USP9X: variants seen among roughly 807,000 people sequenced by gnomAD.
USP9X encodes ubiquitin specific peptidase 9 X-linked.
Under a neutral mutation model 190.3 loss-of-function variants are expected in USP9X, and 7 were observed. The observed-to-expected ratio is 0.04, with a 90% CI of 0.02 to 0.07. USP9X has a LOEUF of 0.07. Among genes scored for constraint, USP9X ranks in the 10% least tolerant of loss-of-function variants. The pLI is 1.00. For synonymous variants in USP9X, 645 were observed against 659.5 expected, an observed-to-expected ratio of 0.98 and a Z score of 0.34; for missense variants, 1,010 against 1,916.9, an observed-to-expected ratio of 0.53 and a Z score of 8.83.
chrX:41,110,143 G>A (rs770228164), intron 1 of USP9X, among the ~76,000 whole-genome samples: 203 of 111,189 alleles, frequency 1.8e-3, no homozygotes, highest in African/African-American at 6.4e-3. Flanking sequence ...TTGTTGCCCA[G>A]GCTGGCCTCA....
chrX:41,150,695 C>T (rs767638693), intron 12 of USP9X, among the ~76,000 whole-genome samples: 2 of 111,645 alleles, frequency 1.8e-5, no homozygotes, highest in Non-Finnish European at 3.8e-5. Flanking sequence ...TAATACAAAG[C>T]TTTTATAACA....
At position 41,167,718 on chromosome X, in the gene USP9X, T is replaced by C. The variant is rs140843078; in HGVS notation, c.2424+141T>C. ...GTGATTGGGTTATTTTTAATATAAC[T>C]ATTTATTAGATGTTGAAATGGCAAA... On this transcript the variant is annotated intron_variant, in intron 17 of 44. Transcript: ENST00000378308. The C allele has an allele frequency of 1.7e-3, 771 of 453,263 alleles. 3 individuals carry two copies. In the East Asian group the frequency reaches 0.029, roughly 17 times the overall value. 37.4% of individuals were successfully genotyped at this position (453,263 alleles called of 1,213,427 possible). A position where few individuals can be genotyped will look rare whatever the true frequency, so the allele number is the denominator to read the frequency against.
intron 9 of USP9X, among the ~76,000 whole-genome samples, chrX:41,142,012 A>T (rs574313327): frequency 9.0e-6 from 1 of 111,596 alleles, no homozygotes; most frequent in Non-Finnish European, 1.9e-5. Context: ...TTTTGAATGT[A>T]TATGTGTAAC....
chrX:41,103,709 GATTAA>G (rs1472547300), intron 1 of USP9X, among the ~76,000 whole-genome samples: 10 of 111,972 alleles, frequency 8.9e-5, no homozygotes, highest in African/African-American at 3.2e-4. Flanking sequence ...AATAGAAAGT[GATTAA>G]ATTAGTTTTT....
chrX:41,126,892 AT>A (rs1028913612), intron 2 of USP9X, among the ~76,000 whole-genome samples: 1 of 110,559 alleles, frequency 9.0e-6, no homozygotes, highest in Non-Finnish European at 1.9e-5. Flanking sequence ...TTTTCACTTA[AT>A]TTTTTTTAAG....
In USP9X at chrX:41,229,295, G is replaced by A; in HGVS notation, c.7104G>A (p.Gly2368=). ...AAGGAATTCCAGATGACCGAGATGGGCTGTTTGACACAATCCAGCGCTCTA... is the reference window on the plus strand; with the variant it reads ...AAGGAATTCCAGATGACCGAGATGGACTGTTTGACACAATCCAGCGCTCTA... ...ALKGIPDDRD[G]LFDTIQRSKN... The change falls in exon 42 of 45, where the codon GGG becomes GGA. Residue 2368 remains glycine (G), a synonymous_variant. Transcript: ENST00000378308. The A allele has an allele frequency of 2.5e-6, 3 of 1,196,358 alleles. No individual in the cohort carries two copies. Among genetic ancestry groups the A allele is most frequent in the Non-Finnish European group, 3.4e-6 (3 of 889,064 alleles).
At chrX:41,140,102 T>C (rs963411117) in intron 6 of USP9X, among the ~76,000 whole-genome samples, 14 of 111,694 alleles carry the variant, frequency 1.3e-4, no homozygotes, top group Non-Finnish European at 2.6e-4. Flanking sequence ...TGGGTGCAAT[T>C]TGTATAAGCA....
At chrX:41,136,729 T>C (rs2147034487) in intron 5 of USP9X, 75 bp from the exon 6 acceptor site, 1 of 729,753 alleles carries the variant, frequency 1.4e-6, no homozygotes, top group Non-Finnish European at 2.1e-6. Flanking sequence ...AGGATACGAT[T>C]AATATTGGAA....
intron 1 of USP9X, among the ~76,000 whole-genome samples, chrX:41,118,364 A>G: frequency 9.0e-6 from 1 of 110,567 alleles, no homozygotes; most frequent in Non-Finnish European, 1.9e-5. Context: ...GTACCCGTGT[A>G]CTTGGAATTA....
At chrX:41,169,600 G>A (rs2062707138) in intron 18 of USP9X, among the ~76,000 whole-genome samples, 1 of 110,175 alleles carries the variant, frequency 9.1e-6, no homozygotes, top group African/African-American at 3.3e-5. Flanking sequence ...GATTACAGGC[G>A]CCCACCACCA....
In USP9X at chrX:41,212,179, C is replaced by G. The variant is rs768346628; in HGVS notation, c.5189+1497C>G. The stretch of plus-strand genomic sequence containing the variant: ...GACCTTACCCCCAACCCTGTGCTCT[C>G]TGAAACATGTGCTGTGTCCACTCAG... On this transcript the variant is annotated intron_variant, in intron 33 of 44. Transcript: ENST00000378308. Among the ~76,000 whole-genome samples the G allele has an allele frequency of 2.8e-4, 31 of 109,969 alleles. No individual in the cohort carries two copies. The South Asian group carries it at 9.6e-3, about 34-fold the overall frequency.
At chrX:41,128,700 A>G (rs985491913) in intron 2 of USP9X, among the ~76,000 whole-genome samples, 1 of 111,742 alleles carries the variant, frequency 8.9e-6, no homozygotes, top group Non-Finnish European at 1.9e-5. Flanking sequence ...ACTTCACATC[A>G]TCTCTAGATT....
chrX:41,219,138 A>G lies in USP9X; in HGVS notation c.6472A>G (p.Arg2158Gly), dbSNP rs1282620676. 1 of 1,210,263 alleles carries G rather than the reference A, an allele frequency of 8.3e-7. No homozygotes were observed. Residue 2158 changes from arginine to glycine, a missense_variant, in exon 38 of 45, where the codon AGA becomes GGA. Around this residue, in one of 11 missense-constraint regions of USP9X, gnomAD observed 121 missense variants for 281.2 expected, o/e 0.43. Transcript: ENST00000378308. ...CTTAAGCTTGAGTGATCACTTACTA[A>G]GAGCAGTACTAAATCTCTTGAGAAG... ...DNLSLSDHLL[R>G]AVLNLLRREV... is the part of the protein sequence containing the mutation.
intron 2 of USP9X, among the ~76,000 whole-genome samples, chrX:41,124,390 G>A (rs2062218290): frequency 9.0e-6 from 1 of 111,143 alleles, no homozygotes; most frequent in African/African-American, 3.3e-5. Flanking sequence ...GTTGCAGTGA[G>A]CCGAGATGGT....
chrX:41,150,183 G>A (rs1241614333), intron 12 of USP9X, among the ~76,000 whole-genome samples: 1 of 109,579 alleles, frequency 9.1e-6, no homozygotes, highest in Non-Finnish European at 1.9e-5. Context: ...CCACAAAATT[G>A]TTTTCCTTTC....
At chrX:41,195,551 T>G (rs911188477) in intron 26 of USP9X, among the ~76,000 whole-genome samples, 2 of 111,349 alleles carry the variant, frequency 1.8e-5, no homozygotes, top group Non-Finnish European at 3.8e-5. Flanking sequence ...CCAACCCTTT[T>G]GGCACCAGGG....
intron 41 of USP9X, among the ~76,000 whole-genome samples, chrX:41,228,272 A>T (rs1162163436): frequency 8.9e-6 from 1 of 112,144 alleles, no homozygotes; most frequent in Non-Finnish European, 1.9e-5. Context: ...ACCACATTTT[A>T]TTTACTGGCA....
chrX:41,170,681 A>C, intron 20 of USP9X, 62 bp downstream of exon 20: 1 of 1,083,451 alleles, frequency 9.2e-7, no homozygotes, highest in Non-Finnish European at 1.2e-6. Flanking sequence ...TTTGAGAATA[A>C]AGTATATAGA....
intron 23 of USP9X, among the ~76,000 whole-genome samples, chrX:41,185,954 G>A (rs1371316985): frequency 1.8e-5 from 2 of 110,719 alleles, no homozygotes; most frequent in African/African-American, 6.6e-5. Flanking sequence ...ATATATAGGA[G>A]GGGAGTTACA....
Sources: gnomAD v4.1 joint callset for allele counts (sites outside exome capture counted in the v4.1 genomes callset) on GRCh38, gnomAD v4.1.1 for gene constraint, gnomAD v4.1.1 regional missense constraint, MANE v1.5 for transcripts, NCBI Gene and HGNC (gene_info 2026-07-23, HGNC 2026-07-21) for gene names.